UNC80: variants seen among roughly 807,000 people sequenced by gnomAD.
UNC80 encodes the protein protein unc-80 homolog.
In UNC80, 164 loss-of-function variants were observed where a neutral mutation model predicts 384.6. The ratio of observed to expected loss-of-function variants is 0.43; its 90% CI spans 0.38 to 0.49. The LOEUF is 0.49. UNC80 is among the 20% of genes least tolerant of loss of function. UNC80 has a pLI of 0.00. For missense variants in UNC80, 3,330 were observed against 4,143.0 expected (o/e 0.80, Z 5.39); for synonymous variants, 1,486 against 1,527.8 (o/e 0.97, Z 0.64).
chr2:209,821,891 G>A (rs1297016043), intron 13 of UNC80, among the ~76,000 whole-genome samples: 2 of 152,082 alleles, frequency 1.3e-5, no homozygotes, highest in Non-Finnish European at 2.9e-5. Context: ...GTTATACTGT[G>A]TAGAGTTCTA....
Position 209,997,441 on chromosome 2 carries a change from A to G in UNC80, c.*1846A>G, listed in dbSNP as rs935252472. The G allele has an allele frequency of 2.0e-5, 3 of 152,154 alleles. No homozygotes were observed. Among genetic ancestry groups the G allele is most frequent in the Non-Finnish European group, 4.4e-5 (3 of 68,026 alleles). The allele number at this position is 152,154 out of a possible 1,614,324, so 9.4% of individuals were successfully genotyped here. A position where few individuals can be genotyped will look rare whatever the true frequency, so the allele number is the denominator to read the frequency against. Reference sequence around the variant, plus strand: ...TTTGGTAATTACAAGTGTCTGGGCTATTGGCGCGTCTCTATATATGTGTGT... The same window carrying G: ...TTTGGTAATTACAAGTGTCTGGGCTGTTGGCGCGTCTCTATATATGTGTGT... On this transcript the variant is annotated 3_prime_UTR_variant, in exon 65 of 65. Coordinates refer to ENST00000673920, the MANE Select transcript of UNC80 (RefSeq NM_001371986.1).
At chr2:209,929,847 T>C in intron 36 of UNC80, 24 bp from the exon 37 acceptor site, 2 of 1,469,840 alleles carry the variant, frequency 1.4e-6, no homozygotes, top group Non-Finnish European at 1.8e-6. Context: ...AAGACAAATG[T>C]TCAACTTTCT....
At chr2:209,784,688 G>A (rs2153825126) in intron 4 of UNC80, among the ~76,000 whole-genome samples, 2 of 152,274 alleles carry the variant, frequency 1.3e-5, no homozygotes, top group Admixed American at 1.3e-4. Flanking sequence ...GTCTGACACA[G>A]CCCTTCACTT....
chr2:209,849,690 C>T, intron 22 of UNC80, 67 bp downstream of exon 22: 1 of 1,433,516 alleles, frequency 7.0e-7, no homozygotes, highest in Non-Finnish European at 9.4e-7. Context: ...CAGAGGTAAG[C>T]ATGATTCCCC....
chr2:209,955,319 G>C (rs1418644767), intron 48 of UNC80, among the ~76,000 whole-genome samples: 1 of 152,046 alleles, frequency 6.6e-6, no homozygotes, highest in Non-Finnish European at 1.5e-5. Context: ...GCAAGAAAAA[G>C]AGAGAGTGGG....
chr2:209,982,150 G>A, intron 59 of UNC80, 29 bp from the exon 60 acceptor site: 3 of 1,543,154 alleles, frequency 1.9e-6, no homozygotes, highest in South Asian at 2.4e-5. Flanking sequence ...CATAGTTTTT[G>A]TAACACTCTA....
chr2:209,948,417 T>C (rs1358322791), intron 47 of UNC80, among the ~76,000 whole-genome samples: 1 of 152,194 alleles, frequency 6.6e-6, no homozygotes, highest in Non-Finnish European at 1.5e-5. Context: ...TTTTCCTCTT[T>C]CAAATTAAAA....
chr2:209,898,472 TA>T (rs971343128), intron 28 of UNC80, among the ~76,000 whole-genome samples: 24 of 152,134 alleles, frequency 1.6e-4, no homozygotes, highest in African/African-American at 3.4e-4. Context: ...ACAGATTTTT[TA>T]AAAAAAATTA....
chr2:209,817,978 CAGG>C (rs925376718), intron 11 of UNC80, 26 bp downstream of exon 11: 10 of 1,550,540 alleles, frequency 6.4e-6, no homozygotes, highest in African/African-American at 2.7e-5. Context: ...GGCCTACGGG[CAGG>C]AGTTCAGAGT....
intron 58 of UNC80, 51 bp from the exon 59 acceptor site, chr2:209,978,478 G>A (rs1039006344): frequency 1.4e-5 from 20 of 1,426,680 alleles, no homozygotes; most frequent in Non-Finnish European, 1.7e-5. Context: ...CTTTGAAGTG[G>A]ACATTTAAGA....
intron 46 of UNC80, 50 bp from the exon 47 acceptor site, chr2:209,945,797 C>T: frequency 7.7e-7 from 1 of 1,290,378 alleles, no homozygotes; most frequent in Non-Finnish European, 1.1e-6. Context: ...GCTTCTTTAT[C>T]TCCTGCAAAA....
At chr2:209,901,712 G>A (rs1158714205) in intron 28 of UNC80, among the ~76,000 whole-genome samples, 1 of 152,080 alleles carries the variant, frequency 6.6e-6, no homozygotes, top group African/African-American at 2.4e-5. Flanking sequence ...GGATCACGAG[G>A]TCAGGAGATC....
intron 33 of UNC80, among the ~76,000 whole-genome samples, chr2:209,920,549 A>AGG: frequency 6.6e-6 from 1 of 152,186 alleles, no homozygotes; most frequent in East Asian, 1.9e-4. Context: ...TCATCTATGG[A>AGG]GGAGTGAGTT....
chr2:209,819,692 C>T (rs1338975575), intron 12 of UNC80, among the ~76,000 whole-genome samples: 1 of 151,966 alleles, frequency 6.6e-6, no homozygotes, highest in Non-Finnish European at 1.5e-5. Context: ...CTCAAGAGTG[C>T]CTGTCTCAAG....
At chr2:209,813,486 A>C in intron 7 of UNC80, 94 bp from the exon 8 acceptor site, 1 of 1,329,082 alleles carries the variant, frequency 7.5e-7, no homozygotes, top group Non-Finnish European at 1.0e-6. Flanking sequence ...TGAATAACTA[A>C]ACAAATGAGA....
intron 7 of UNC80, chr2:209,808,687 T>C (rs1321622849): frequency 8.6e-6 from 1 of 116,294 alleles, no homozygotes. Flanking sequence ...CCTGCTCCCC[T>C]GGAGTACTTA....
intron 18 of UNC80, among the ~76,000 whole-genome samples, chr2:209,837,533 C>A (rs1329491158): frequency 1.3e-5 from 2 of 152,136 alleles, no homozygotes; most frequent in Non-Finnish European, 2.9e-5. Context: ...CCCCAATTAA[C>A]CTGGTGATGT....
In UNC80 at chr2:209,839,345, T is replaced by C; in HGVS notation, c.3165T>C (p.Thr1055=). Residue 1055 remains threonine, a synonymous_variant, in exon 19 of 65, where the codon ACT becomes ACC. Coordinates refer to ENST00000673920, the MANE Select transcript of UNC80 (RefSeq NM_001371986.1). The surrounding 1 kb of genome is among the most constrained non-coding windows in gnomAD (Gnocchi z 4.1). ...AACAGGACACTTCAGAATGCACGAC[T>C]GCCCACTCAGGGACCACCTCTGACC... ...QSEQDTSECT[T]AHSGTTSDRR... 6.4e-7 allele frequency: 1 copy of C among 1,551,868 alleles called. No homozygotes were observed. The highest frequency in any genetic ancestry group is 1.2e-5 in the South Asian group (1 of 84,060).
Position 209,970,081 on chromosome 2 carries a change from C to T in UNC80, c.8130+190C>T, listed in dbSNP as rs186964345. The T allele has an allele frequency of 1.2e-4, 84 of 680,004 alleles. 1 individual carries two copies. In the East Asian group the frequency reaches 2.4e-3, roughly 19 times the overall value. 42.1% of individuals were successfully genotyped at this position (680,004 alleles called of 1,614,324 possible). On this transcript the variant is annotated intron_variant, in intron 53 of 64. Coordinates refer to ENST00000673920, the MANE Select transcript of UNC80 (RefSeq NM_001371986.1). ...GTGTGGGGAGATCCAGGAACCCATCCCTACACAGAAGGGATTTTGGTGTGC... is the reference window on the plus strand; with the variant it reads ...GTGTGGGGAGATCCAGGAACCCATCTCTACACAGAAGGGATTTTGGTGTGC...
Sources: gnomAD v4.1 joint callset for allele counts (sites outside exome capture counted in the v4.1 genomes callset) on GRCh38, gnomAD v4.1.1 for gene constraint, Gnocchi (gnomAD v3.1) non-coding constraint, MANE v1.5 for transcripts, NCBI Gene and HGNC (gene_info 2026-07-23, HGNC 2026-07-21) for gene names.